The following PVT1 variants were observed in gnomAD, a reference collection of about 807,000 sequenced individuals.
PVT1 encodes the protein Pvt1 oncogene.
chr8:127,966,112 C>A (rs2129954802), intron 3 of PVT1, among the ~76,000 whole-genome samples: 1 of 152,252 alleles, frequency 6.6e-6, no homozygotes, highest in African/African-American at 2.4e-5. Flanking sequence ...GCTGGTGGAT[C>A]AATGTAGCTG....
chr8:127,811,153 C>A (rs963809168), intron 2 of PVT1, among the ~76,000 whole-genome samples: 8 of 152,162 alleles, frequency 5.3e-5, no homozygotes, highest in Admixed American at 3.9e-4. Context: ...TTAATAGAGG[C>A]TGCTGTTAGA....
intron 5 of PVT1, among the ~76,000 whole-genome samples, chr8:128,091,807 ACAT>A (rs956329766): frequency 6.6e-6 from 1 of 152,210 alleles, no homozygotes; most frequent in Non-Finnish European, 1.5e-5. Context: ...AGTGCCTGGC[ACAT>A]CATAAGCACC....
intron 3 of PVT1, among the ~76,000 whole-genome samples, chr8:127,917,249 A>G (rs1406103586): frequency 2.0e-5 from 3 of 152,156 alleles, no homozygotes; most frequent in Admixed American, 2.0e-4. Context: ...AGCTCTCTGG[A>G]CCAGGCCTTG....
At chr8:127,893,425 C>T (rs1006506155) in intron 3 of PVT1, among the ~76,000 whole-genome samples, 7 of 152,202 alleles carry the variant, frequency 4.6e-5, no homozygotes, top group East Asian at 1.9e-4. Context: ...TACAGGCGTG[C>T]GCCACCATGC....
At chr8:127,880,604 T>A (rs543346349) in intron 2 of PVT1, among the ~76,000 whole-genome samples, 2 of 143,434 alleles carry the variant, frequency 1.4e-5, no homozygotes, top group Admixed American at 1.4e-4. Flanking sequence ...CCCTTTTTTT[T>A]TTTTTTTTTT....
At chr8:127,966,704 C>G (rs1429654800) in intron 3 of PVT1, among the ~76,000 whole-genome samples, 2 of 152,124 alleles carry the variant, frequency 1.3e-5, no homozygotes, top group African/African-American at 4.8e-5. Context: ...ATTTAAATAG[C>G]CCTCCCTATG....
chr8:127,901,893 C>A (rs1815763664), intron 3 of PVT1, among the ~76,000 whole-genome samples: 1 of 147,000 alleles, frequency 6.8e-6, no homozygotes, highest in Non-Finnish European at 1.5e-5. Flanking sequence ...TGAGCCACTG[C>A]ACCTGGCCAA....
intron 2 of PVT1, among the ~76,000 whole-genome samples, chr8:127,850,084 G>C (rs987558606): frequency 6.6e-6 from 1 of 152,268 alleles, no homozygotes; most frequent in Admixed American, 6.5e-5. Flanking sequence ...ATATGCATGG[G>C]TACACAGCCT....
At chr8:127,834,496 G>A (rs1356413489) in intron 2 of PVT1, among the ~76,000 whole-genome samples, 1 of 152,274 alleles carries the variant, frequency 6.6e-6, no homozygotes, top group East Asian at 1.9e-4. Context: ...ACACCATTCA[G>A]GACATAGGCA....
chr8:127,850,048 A>C (rs1033619711), intron 2 of PVT1, among the ~76,000 whole-genome samples: 7 of 151,012 alleles, frequency 4.6e-5, no homozygotes, highest in African/African-American at 1.5e-4. Flanking sequence ...CAGCCTGTAC[A>C]TATGTGTATG....
chr8:127,952,352 T>TA (rs994796166), intron 3 of PVT1, among the ~76,000 whole-genome samples: 53 of 152,218 alleles, frequency 3.5e-4, no homozygotes, highest in Non-Finnish European at 4.6e-4. Context: ...AAGAAGCTAA[T>TA]AAAAAAATCC....
At chr8:127,974,860 G>A (rs975063011) in intron 3 of PVT1, among the ~76,000 whole-genome samples, 1 of 152,076 alleles carries the variant, frequency 6.6e-6, no homozygotes, top group Non-Finnish European at 1.5e-5. Context: ...ATTAATTAAT[G>A]ATTTTATATA....
At chr8:128,079,388 A>G (rs1030504413) in intron 5 of PVT1, among the ~76,000 whole-genome samples, 2 of 152,206 alleles carry the variant, frequency 1.3e-5, no homozygotes, top group Admixed American at 6.5e-5. Flanking sequence ...TTCTCCCGTC[A>G]TATCCCCTAT....
At position 127,897,633 on chromosome 8, in the gene PVT1, C is replaced by A. The variant is rs112117160; in HGVS notation, n.782+6635C>A. ...AAGAAAGGAAAGAAAGAAAGAAAGACAGACAAAGAAAGAAAGACAGGAAGG... is the reference window on the plus strand; with the variant it reads ...AAGAAAGGAAAGAAAGAAAGAAAGAAAGACAAAGAAAGAAAGACAGGAAGG... On this transcript the variant is annotated intron_variant and non_coding_transcript_variant, in intron 3 of 10. Coordinates refer to ENST00000651587, the Ensembl canonical transcript of PVT1. Among the ~76,000 whole-genome samples the A allele has an allele frequency of 1.9e-4, 20 of 103,134 alleles. 1 individual carries two copies. In the South Asian group the frequency reaches 4.2e-3, roughly 22 times the overall value. 67.7% of individuals were successfully genotyped at this position (103,134 alleles called of 152,430 possible).
chr8:127,873,792 A>G (rs1216467122), intron 2 of PVT1, among the ~76,000 whole-genome samples: 1 of 152,216 alleles, frequency 6.6e-6, no homozygotes, highest in Non-Finnish European at 1.5e-5. Flanking sequence ...TGCTGCCTCT[A>G]TGAATCAATG....
chr8:128,038,744 G>T (rs1010786741), intron 4 of PVT1, among the ~76,000 whole-genome samples: 3 of 152,128 alleles, frequency 2.0e-5, no homozygotes, highest in African/African-American at 7.2e-5. Flanking sequence ...AATTGAGAGG[G>T]ATTCTGAGAA....
At position 128,023,332 on chromosome 8, in the gene PVT1, G is replaced by T. The variant is rs572600783; in HGVS notation, n.912+34041G>T. ...TCCCAGTTGACACCAACCTAGATCA[G>T]TTGACAGCCAGCCAACTCCTAGACC... On this transcript the variant is annotated intron_variant and non_coding_transcript_variant, in intron 4 of 10. Coordinates refer to ENST00000651587, the Ensembl canonical transcript of PVT1. Among the ~76,000 whole-genome samples the T allele has an allele frequency of 9.9e-5, 15 of 152,242 alleles. No individual in the cohort carries two copies. In the East Asian group the frequency reaches 2.9e-3, roughly 29 times the overall value.
At chr8:127,811,194 C>A (rs1814591044) in intron 2 of PVT1, among the ~76,000 whole-genome samples, 1 of 152,164 alleles carries the variant, frequency 6.6e-6, no homozygotes, top group Admixed American at 6.5e-5. Context: ...GGTCCCTTTT[C>A]TCTCCTCATG....
intron 5 of PVT1, among the ~76,000 whole-genome samples, chr8:128,090,708 C>A (rs1030572151): frequency 3.9e-5 from 6 of 152,074 alleles, no homozygotes; most frequent in African/African-American, 1.4e-4. Context: ...ATTAATGTCA[C>A]CCCCCATGCT....
Sources: allele counts gnomAD v4.1 joint callset (sites outside exome capture counted in the v4.1 genomes callset), GRCh38; gene constraint gnomAD v4.1.1; transcripts MANE v1.5; gene names NCBI Gene and HGNC (gene_info 2026-07-23, HGNC 2026-07-21).